TPCN1: variants seen among roughly 807,000 people sequenced by gnomAD.
The protein encoded by TPCN1 is two pore segment channel 1, also known as two pore channel protein 1.
A neutral mutation model predicts 108.8 loss-of-function variants in TPCN1; 52 were observed. That is an observed-to-expected ratio of 0.48 (90% CI 0.38 to 0.60). TPCN1 has a LOEUF of 0.60. TPCN1 is among the 20% of genes least tolerant of loss of function. The pLI, the probability that TPCN1 is intolerant of heterozygous loss-of-function variation, is 0.00. For synonymous variants in TPCN1, 446 were observed against 433.7 expected, an observed-to-expected ratio of 1.03 and a Z score of -0.35; for missense variants, 806 against 1,072.8, an observed-to-expected ratio of 0.75 and a Z score of 3.47.
At chr12:113,265,548 CTTT>C (rs773726528) in intron 3 of TPCN1, among the ~76,000 whole-genome samples, 8 of 140,918 alleles carry the variant, frequency 5.7e-5, no homozygotes, top group Admixed American at 1.4e-4. Context: ...CTTTTTCTTT[CTTT>C]TTTTTTTTTT....
intron 2 of TPCN1, among the ~76,000 whole-genome samples, chr12:113,239,918 C>T (rs765390395): frequency 2.0e-5 from 3 of 152,146 alleles, no homozygotes; most frequent in Non-Finnish European, 4.4e-5. Context: ...GCAGAGCGAC[C>T]TGTGCTTAGT....
intron 10 of TPCN1, 135 bp from the exon 11 acceptor site, chr12:113,276,784 C>T (rs1452893509): frequency 3.1e-5 from 21 of 675,456 alleles, no homozygotes; most frequent in East Asian, 1.2e-4. Context: ...GAGGTGCAGG[C>T]GAGAGGGTCT....
At position 113,268,022 on chromosome 12, in the gene TPCN1, C is replaced by G; in HGVS notation, c.528+66C>G. On this transcript the variant is annotated intron_variant, in intron 5 of 27. Coordinates refer to ENST00000335509, the MANE Select transcript of TPCN1 (RefSeq NM_017901.6). The surrounding 1 kb of genome is among the most constrained non-coding windows in gnomAD (Gnocchi z 7.3). ...TCTCCCATGTCACCTTCAAACCTGTCTCTTTGGTACAATTCAGAATCCACC... is the reference window on the plus strand; with the variant it reads ...TCTCCCATGTCACCTTCAAACCTGTGTCTTTGGTACAATTCAGAATCCACC... 8.8e-7 allele frequency: 1 copy of G among 1,132,612 alleles called. No homozygotes were observed. The highest frequency in any genetic ancestry group is 1.5e-5 in the African/African-American group (1 of 65,112). 70.2% of individuals were successfully genotyped at this position (1,132,612 alleles called of 1,614,324 possible). A position where few individuals can be genotyped will look rare whatever the true frequency, so the allele number is the denominator to read the frequency against.
chr12:113,274,179 A>G (rs1035014941), intron 10 of TPCN1, among the ~76,000 whole-genome samples: 2 of 152,370 alleles, frequency 1.3e-5, no homozygotes, highest in South Asian at 4.1e-4. Context: ...TGGGCTGGAC[A>G]TGGTGGCTCA....
chr12:113,272,585 C>T lies in TPCN1; in HGVS notation c.749-73C>T. 7.3e-7 allele frequency: 1 copy of T among 1,378,076 alleles called. No homozygotes were observed. The highest frequency in any genetic ancestry group is 1.7e-5 in the Admixed American group (1 of 59,674). The allele number at this position is 1,378,076 out of a possible 1,614,324, so 85.4% of individuals were successfully genotyped here. ...GCTGCGTTCATTTGCATGTATTTGT[C>T]CAGTCCTTTTGACACCAGGTTTTGG... On this transcript the variant is annotated intron_variant, in intron 7 of 27. Transcript: ENST00000335509. This position sits in a 1 kb window ranked among gnomAD's most constrained non-coding sequence, Gnocchi z 4.1.
chr12:113,222,379 AT>A (rs146223516), intron 1 of TPCN1, among the ~76,000 whole-genome samples: 13 of 152,238 alleles, frequency 8.5e-5, no homozygotes, highest in Non-Finnish European at 1.6e-4. Flanking sequence ...CTAAGATAGG[AT>A]TTTTCAACAG....
At chr12:113,259,350 A>C (rs530796626) in intron 2 of TPCN1, among the ~76,000 whole-genome samples, 5 of 152,192 alleles carry the variant, frequency 3.3e-5, no homozygotes, top group African/African-American at 9.6e-5. Flanking sequence ...TCTCAGATTC[A>C]CTTCTTCCCA....
intron 2 of TPCN1, chr12:113,244,828 G>T (rs1954290020): frequency 3.2e-6 from 3 of 929,564 alleles, no homozygotes; most frequent in South Asian, 9.9e-5. Flanking sequence ...GAGGCTCTGG[G>T]GATTAAGATC....
intron 22 of TPCN1, 102 bp downstream of exon 22, chr12:113,290,345 C>T: frequency 1.2e-6 from 1 of 842,594 alleles, no homozygotes; most frequent in South Asian, 1.6e-5. Context: ...GTCTGGGCCA[C>T]ACTTTCTGGA....
At chr12:113,256,811 CA>C (rs1954845320) in intron 2 of TPCN1, among the ~76,000 whole-genome samples, 1 of 152,070 alleles carries the variant, frequency 6.6e-6, no homozygotes. Context: ...TCTTTATGAC[CA>C]GGGGTTAGGC....
chr12:113,278,931 T>C, intron 14 of TPCN1, 96 bp downstream of exon 14: 1 of 607,378 alleles, frequency 1.6e-6, no homozygotes, highest in Non-Finnish European at 2.7e-6. Context: ...TTCAGAGGGG[T>C]GTGTGTGTGT....
Position 113,288,384 on chromosome 12 carries a change from G to T in TPCN1, c.1706+150G>T. ...GGGGCTCCAAGGAGCCTGGAATCTT[G>T]ACCACCACAGGTCTCCTGGGCACCA... On this transcript the variant is annotated intron_variant, in intron 20 of 27. Coordinates refer to ENST00000335509, the MANE Select transcript of TPCN1 (RefSeq NM_017901.6). The surrounding 1 kb of genome is among the most constrained non-coding windows in gnomAD (Gnocchi z 4.8). The T allele has an allele frequency of 6.7e-7, 1 of 1,500,940 alleles. No homozygotes were observed. Among genetic ancestry groups the T allele is most frequent in the South Asian group, 1.3e-5 (1 of 79,062 alleles). The allele number at this position is 1,500,940 out of a possible 1,614,324, so 93.0% of individuals were successfully genotyped here. A position where few individuals can be genotyped will look rare whatever the true frequency, so the allele number is the denominator to read the frequency against.
chr12:113,279,295 ATGTGTGTGTGTGTATATATATATGTGTG>A (rs1288943910), intron 14 of TPCN1, among the ~76,000 whole-genome samples: 2 of 134,456 alleles, frequency 1.5e-5, no homozygotes, highest in African/African-American at 2.8e-5. Context: ...AATAACACAT[ATGTGTGTGTGTGTATATATATATGTGTG>A]TGTGTGTGTG....
intron 2 of TPCN1, among the ~76,000 whole-genome samples, chr12:113,239,073 G>T (rs577273475): frequency 9.9e-5 from 15 of 152,190 alleles, no homozygotes; most frequent in Non-Finnish European, 2.1e-4. Context: ...GTCTGAGACT[G>T]CAGTGAGCCA....
intron 2 of TPCN1, 105 bp downstream of exon 2, chr12:113,227,069 C>G: frequency 1.1e-6 from 1 of 935,646 alleles, no homozygotes; most frequent in South Asian, 1.7e-5. Context: ...AACTTGTTGC[C>G]TGGCCCCACA....
chr12:113,241,761 CGTGTGT>C lies in TPCN1; in HGVS notation c.112+14825_112+14830del, dbSNP rs67580212. Among the ~76,000 whole-genome samples, 863 of 144,462 alleles carry C rather than the reference CGTGTGT, an allele frequency of 6.0e-3. 7 individuals carry two copies. The highest frequency in any genetic ancestry group is 0.019 in the African/African-American group (732 of 39,290). The allele number at this position is 144,462 out of a possible 152,430, so 94.8% of individuals were successfully genotyped here. ...AAACAGTGGCGTTTGCGTGCCTCTG[CGTGTGT>C]GTGTGTGTGTGTGTGTGTGTGTGTG... On this transcript the variant is annotated intron_variant, in intron 2 of 27. Transcript: ENST00000335509.
chr12:113,278,077 C>G (rs1955733915), intron 12 of TPCN1, 112 bp from the exon 13 acceptor site: 1 of 851,524 alleles, frequency 1.2e-6, no homozygotes, highest in Admixed American at 1.9e-5. Context: ...ATGGTGTCCC[C>G]TCTCTTCCTC....
intron 1 of TPCN1, among the ~76,000 whole-genome samples, chr12:113,224,435 C>T (rs537317572): frequency 7.2e-5 from 11 of 152,336 alleles, no homozygotes; most frequent in Admixed American, 2.0e-4. Context: ...CTCGCTCTGT[C>T]GCCCAGGCTG....
At position 113,272,564 on chromosome 12, in the gene TPCN1, C is replaced by A; in HGVS notation, c.749-94C>A. The A allele has an allele frequency of 8.8e-7, 1 of 1,140,428 alleles. No homozygotes were observed. The highest frequency in any genetic ancestry group is 1.3e-6 in the Non-Finnish European group (1 of 748,728). 70.6% of individuals were successfully genotyped at this position (1,140,428 alleles called of 1,614,324 possible). A position where few individuals can be genotyped will look rare whatever the true frequency, so the allele number is the denominator to read the frequency against. ...CCCTGCTGCTCTTCCTGACCTGCTG[C>A]GTTCATTTGCATGTATTTGTCCAGT... On this transcript the variant is annotated intron_variant, in intron 7 of 27. Transcript: ENST00000335509. The surrounding 1 kb of genome is among the most constrained non-coding windows in gnomAD (Gnocchi z 4.1).
Sources: allele counts gnomAD v4.1 joint callset (sites outside exome capture counted in the v4.1 genomes callset), GRCh38; gene constraint gnomAD v4.1.1; non-coding constraint Gnocchi (gnomAD v3.1); transcripts MANE v1.5; gene names NCBI Gene and HGNC (gene_info 2026-07-23, HGNC 2026-07-21).